The following PLEKHD1 variants were observed in gnomAD, a reference collection of about 807,000 sequenced individuals.
The protein encoded by PLEKHD1 is pleckstrin homology and coiled-coil domain containing D1, also known as pleckstrin homology domain-containing family D member 1.
A neutral mutation model predicts 69.2 loss-of-function variants in PLEKHD1; 51 were observed. That is an observed-to-expected ratio of 0.74 (90% confidence interval 0.59 to 0.93). PLEKHD1 has a LOEUF of 0.93. Among genes scored for constraint, PLEKHD1 ranks in the 40% least tolerant of loss-of-function variants. PLEKHD1 has a pLI of 0.00. For synonymous variants in PLEKHD1, 236 were observed against 244.7 expected (o/e 0.96, Z 0.33); for missense variants, 584 against 641.0 (o/e 0.91, Z 0.96).
At chr14:69,524,437 A>G (rs1883593992) in intron 8 of PLEKHD1, 115 bp downstream of exon 8, 1 of 877,390 alleles carries the variant, frequency 1.1e-6, no homozygotes, top group African/African-American at 1.7e-5. Flanking sequence ...AGAAATGGGC[A>G]TGGAGGGGTG....
At chr14:69,478,402 C>G in the PLEKHD1 span, among the ~76,000 whole-genome samples, 3 of 152,206 alleles carry the variant, frequency 2.0e-5, no homozygotes, top group Non-Finnish European at 4.4e-5. Context: ...CATTTGGCTC[C>G]TCATTACTTA....
chr14:69,508,988 G>A (rs943770105), intron 6 of PLEKHD1, among the ~76,000 whole-genome samples: 4 of 152,152 alleles, frequency 2.6e-5, no homozygotes, highest in African/African-American at 7.2e-5. Context: ...TCATATAGCC[G>A]CCAGTAGAAT....
At chr14:69,522,158 T>C (rs773331669) in intron 6 of PLEKHD1, 125 bp from the exon 7 acceptor site, 50 of 831,468 alleles carry the variant, frequency 6.0e-5, no homozygotes, top group Non-Finnish European at 9.2e-5. Context: ...TAATTCCCGG[T>C]CTGGTGCAGC....
chr14:69,515,393 G>GCAGTT (rs1259844676), intron 6 of PLEKHD1, among the ~76,000 whole-genome samples: 1 of 151,868 alleles, frequency 6.6e-6, no homozygotes, highest in African/African-American at 2.4e-5. Context: ...TTTGTCAATT[G>GCAGTT]CAGTTCAGGT....
intron 6 of PLEKHD1, among the ~76,000 whole-genome samples, chr14:69,522,065 GT>G (rs1349827787): frequency 1.3e-5 from 2 of 152,220 alleles, no homozygotes; most frequent in African/African-American, 4.8e-5. Context: ...TGCAAAATGT[GT>G]TTTCAGTGGG....
chr14:69,502,247 G>A (rs1883045279), intron 5 of PLEKHD1: 1 of 182,054 alleles, frequency 5.5e-6, no homozygotes, highest in Non-Finnish European at 1.2e-5. Flanking sequence ...AGTTGATGTT[G>A]TTATCCTATC....
At chr14:69,515,745 T>G (rs1235749210) in intron 6 of PLEKHD1, among the ~76,000 whole-genome samples, 1 of 152,190 alleles carries the variant, frequency 6.6e-6, no homozygotes, top group African/African-American at 2.4e-5. Context: ...AGATCTCATG[T>G]GTACTCAGAG....
chr14:69,514,938 G>T (rs1310690452), intron 6 of PLEKHD1, among the ~76,000 whole-genome samples: 3 of 152,194 alleles, frequency 2.0e-5, no homozygotes, highest in Non-Finnish European at 4.4e-5. Context: ...CTCAGGCACA[G>T]TGTAATCCCA....
At chr14:69,476,948 G>A in the PLEKHD1 span, among the ~76,000 whole-genome samples, 1 of 152,160 alleles carries the variant, frequency 6.6e-6, no homozygotes, top group Non-Finnish European at 1.5e-5. Flanking sequence ...TGTCTCATAT[G>A]GCAGCAGACA....
At chr14:69,472,572 A>G in the PLEKHD1 span, among the ~76,000 whole-genome samples, 2 of 152,204 alleles carry the variant, frequency 1.3e-5, no homozygotes, top group African/African-American at 4.8e-5. Context: ...ATTTATAACC[A>G]TGGTCCTCTA....
chr14:69,499,939 T>A (rs987729372), intron 1 of PLEKHD1, among the ~76,000 whole-genome samples, 176 bp from the exon 2 acceptor site: 2 of 152,036 alleles, frequency 1.3e-5, no homozygotes, highest in Non-Finnish European at 2.9e-5. Flanking sequence ...TGTGGGGACG[T>A]CACTGGCCAG....
In PLEKHD1 at chr14:69,500,461, G is replaced by T. The variant is rs561192293; in HGVS notation, c.244-116G>T. The T allele has an allele frequency of 1.0e-3, 835 of 826,696 alleles. 6 individuals carry two copies. The highest frequency in any genetic ancestry group is 6.0e-3 in the South Asian group (339 of 56,584). The allele number at this position is 826,696 out of a possible 1,614,324, so 51.2% of individuals were successfully genotyped here. On this transcript the variant is annotated intron_variant, in intron 2 of 12. Coordinates refer to ENST00000322564, the MANE Select transcript of PLEKHD1 (RefSeq NM_001161498.2). The stretch of plus-strand genomic sequence containing the variant: ...CTGGCCTCTGTCCCATGGCCCCAGG[G>T]TCTAGCTTCCATCCTGGGGCACTTG...
intron 6 of PLEKHD1, among the ~76,000 whole-genome samples, chr14:69,504,023 A>G (rs979471019): frequency 1.3e-5 from 2 of 152,144 alleles, no homozygotes; most frequent in Non-Finnish European, 2.9e-5. Flanking sequence ...CAATACTTCT[A>G]GCTTTGTGAC....
intron 6 of PLEKHD1, among the ~76,000 whole-genome samples, chr14:69,511,202 G>T (rs1177362206): frequency 6.6e-6 from 1 of 152,152 alleles, no homozygotes; most frequent in African/African-American, 2.4e-5. Context: ...TTGTTGTCCA[G>T]GCTAGAGTTG....
chr14:69,501,664 A>C, intron 4 of PLEKHD1, 70 bp from the exon 5 acceptor site: 2 of 1,213,132 alleles, frequency 1.6e-6, no homozygotes, highest in South Asian at 1.4e-5. Flanking sequence ...TTTCCCCTCT[A>C]CCCTTCTGTT....
At chr14:69,497,245 G>A (rs1365526312) in intron 1 of PLEKHD1, among the ~76,000 whole-genome samples, 1 of 152,236 alleles carries the variant, frequency 6.6e-6, no homozygotes, top group East Asian at 1.9e-4. Context: ...AGAAAGGAAA[G>A]CTGACTTGCC....
chr14:69,484,602 C>T (rs902263749), upstream of PLEKHD1: 1 of 174,900 alleles, frequency 5.7e-6, no homozygotes, highest in East Asian at 1.5e-4. Context: ...GCCGGCCTCC[C>T]GCCGGCTCAC....
chr14:69,500,449 C>T lies in PLEKHD1; in HGVS notation c.244-128C>T, dbSNP rs562314101. On this transcript the variant is annotated intron_variant, in intron 2 of 12. Coordinates refer to ENST00000322564, the MANE Select transcript of PLEKHD1 (RefSeq NM_001161498.2). ...TGAACATCAGTTCTGGCCTCTGTCC[C>T]ATGGCCCCAGGGTCTAGCTTCCATC... 16 of 773,132 alleles carry T rather than the reference C, an allele frequency of 2.1e-5. No individual in the cohort carries two copies. In the East Asian group the frequency reaches 4.3e-4, roughly 21 times the overall value. 47.9% of individuals were successfully genotyped at this position (773,132 alleles called of 1,614,324 possible).
the PLEKHD1 span, among the ~76,000 whole-genome samples, chr14:69,476,260 A>AAAT: frequency 4.9e-3 from 732 of 150,400 alleles, 10 homozygotes; most frequent in African/African-American, 0.017. Flanking sequence ...TCTGTCTCAA[A>AAAT]AAAAAAAAAA....
Sources: allele counts gnomAD v4.1 joint callset (sites outside exome capture counted in the v4.1 genomes callset), GRCh38; gene constraint gnomAD v4.1.1; transcripts MANE v1.5; gene names NCBI Gene and HGNC (gene_info 2026-07-23, HGNC 2026-07-21).